Variants in VPS54 observed in about 807,000 individuals in gnomAD.
The protein encoded by VPS54 is VPS54 subunit of GARP complex.
A neutral mutation model predicts 121.5 loss-of-function variants in VPS54; 45 were observed. The ratio of observed to expected loss-of-function variants is 0.37; its 90% CI spans 0.29 to 0.47. The LOEUF (loss-of-function observed/expected upper bound fraction) is 0.47. Ranked by LOEUF, VPS54 falls within the 20% of genes least tolerant of loss-of-function variation. The pLI is 0.99. For synonymous variants in VPS54, 371 were observed against 385.8 expected, an observed-to-expected ratio of 0.96 and a Z score of 0.45; for missense variants, 1,090 against 1,131.4, an observed-to-expected ratio of 0.96 and a Z score of 0.52.
At chr2:63,938,157 G>A (rs1674553664) in intron 11 of VPS54, among the ~76,000 whole-genome samples, 1 of 151,246 alleles carries the variant, frequency 6.6e-6, no homozygotes, top group Non-Finnish European at 1.5e-5. Context: ...TGTGCAGACA[G>A]GATCTTCCTA....
intron 1 of VPS54, 148 bp downstream of exon 1, chr2:64,018,790 A>G (rs1222303914): frequency 6.7e-6 from 1 of 148,562 alleles, no homozygotes; most frequent in Non-Finnish European, 1.5e-5. Flanking sequence ...GGAGCATGGA[A>G]GCTTCAGTGC....
chr2:63,933,536 G>A (rs558619203), intron 12 of VPS54, 137 bp downstream of exon 12: 111 of 740,824 alleles, frequency 1.5e-4, no homozygotes, highest in Non-Finnish European at 2.0e-4. Flanking sequence ...ATAGAGATAC[G>A]TTTCATAAAA....
At chr2:63,999,062 T>G (rs1677746521) in intron 1 of VPS54, among the ~76,000 whole-genome samples, 1 of 152,176 alleles carries the variant, frequency 6.6e-6, no homozygotes, top group Non-Finnish European at 1.5e-5. Context: ...TTCTCCTGCC[T>G]CAGCCTCCTG....
chr2:64,018,553 G>A (rs1235610652), intron 1 of VPS54, among the ~76,000 whole-genome samples: 4 of 152,138 alleles, frequency 2.6e-5, no homozygotes, highest in African/African-American at 9.7e-5. Flanking sequence ...AACGATTCCA[G>A]TAGAATCCAA....
intron 20 of VPS54, among the ~76,000 whole-genome samples, chr2:63,911,977 A>T (rs981532034): frequency 6.6e-6 from 1 of 152,186 alleles, no homozygotes; most frequent in Non-Finnish European, 1.5e-5. Flanking sequence ...ACAAACAAGA[A>T]ATGAATGTTG....
intron 20 of VPS54, among the ~76,000 whole-genome samples, chr2:63,904,046 T>A (rs1360464583): frequency 6.6e-6 from 1 of 152,010 alleles, no homozygotes; most frequent in Non-Finnish European, 1.5e-5. Context: ...ACAAGGATAG[T>A]AAGAGAAACA....
chr2:63,962,576 A>C, intron 6 of VPS54, 133 bp from the exon 7 acceptor site: 1 of 1,156,442 alleles, frequency 8.6e-7, no homozygotes, highest in Non-Finnish European at 1.2e-6. Flanking sequence ...TGATTGTGAG[A>C]TCCTTGAAAT....
intron 3 of VPS54, 120 bp from the exon 4 acceptor site, chr2:63,972,364 A>G: frequency 1.6e-6 from 1 of 609,342 alleles, no homozygotes; most frequent in Non-Finnish European, 2.7e-6. Context: ...TTTAATATGA[A>G]ATCACTAGCC....
chr2:63,982,013 A>G, intron 2 of VPS54, 126 bp from the exon 3 acceptor site: 1 of 1,022,800 alleles, frequency 9.8e-7, no homozygotes, highest in Non-Finnish European at 1.3e-6. Context: ...TTCCACAGTA[A>G]ATGATTTAAT....
At position 63,897,483 on chromosome 2, in the gene VPS54, T is replaced by C. The variant is rs574358961; in HGVS notation, c.2828+13A>G. ...GATATGGGAGTATATGGTGAAAACG[T>C]TAAAAAACATACCCATTTTGAGGTC... On this transcript the variant is annotated intron_variant, in intron 22 of 22. Transcript: ENST00000272322. 9.7e-6 allele frequency: 15 copies of C among 1,546,520 alleles called. No individual in the cohort carries two copies. Among genetic ancestry groups the C allele is most frequent in the Non-Finnish European group, 1.1e-5 (13 of 1,133,136 alleles).
chr2:63,954,321 A>T (rs1008444979), intron 7 of VPS54, among the ~76,000 whole-genome samples: 5 of 152,168 alleles, frequency 3.3e-5, no homozygotes, highest in African/African-American at 1.2e-4. Context: ...GATAAAAATT[A>T]AAAAGAAAGA....
intron 12 of VPS54, among the ~76,000 whole-genome samples, chr2:63,924,868 T>A (rs1011837120): frequency 1.3e-5 from 2 of 152,112 alleles, no homozygotes; most frequent in Non-Finnish European, 2.9e-5. Flanking sequence ...CATATCCATA[T>A]GGGAAAAAAA....
At chr2:64,004,456 C>A (rs1019563866) in intron 1 of VPS54, among the ~76,000 whole-genome samples, 4 of 152,196 alleles carry the variant, frequency 2.6e-5, no homozygotes, top group Admixed American at 1.3e-4. Flanking sequence ...ACCTGGCTGT[C>A]ACCACCTTAC....
chr2:63,938,203 C>A (rs527989292), intron 11 of VPS54, among the ~76,000 whole-genome samples: 1 of 151,894 alleles, frequency 6.6e-6, no homozygotes, highest in Non-Finnish European at 1.5e-5. Context: ...TGGTCTCAAG[C>A]GATTCTCCTG....
intron 11 of VPS54, among the ~76,000 whole-genome samples, chr2:63,941,832 G>C (rs1159893675): frequency 1.3e-5 from 2 of 151,874 alleles, no homozygotes; most frequent in African/African-American, 4.8e-5. Flanking sequence ...TCAGGAGTTC[G>C]AGACCAGCCT....
intron 12 of VPS54, 36 bp from the exon 13 acceptor site, chr2:63,921,371 T>C (rs1285046092): frequency 1.2e-6 from 2 of 1,606,704 alleles, no homozygotes; most frequent in Admixed American, 1.7e-5. Flanking sequence ...TCAGGGAAAG[T>C]TGTAAACATA....
At chr2:64,015,490 C>T (rs547490056) in intron 1 of VPS54, among the ~76,000 whole-genome samples, 1 of 152,180 alleles carries the variant, frequency 6.6e-6, no homozygotes, top group East Asian at 1.9e-4. Flanking sequence ...AATCGTGCAG[C>T]CCCTAGGTTT....
rs1365665950 is a variant in VPS54 at position 63,897,496 on chromosome 2, C to G, written c.2828G>C (p.Gly943Ala). The G allele has an allele frequency of 1.8e-5, 29 of 1,578,140 alleles. No homozygotes were observed. Among genetic ancestry groups the G allele is most frequent in the Non-Finnish European group, 2.4e-5 (28 of 1,159,462 alleles). Reference sequence around the variant, plus strand: ...ATGGTGAAAACGTTAAAAAACATACCCATTTTGAGGTCCTCCATCATTTAT... The same window carrying G: ...ATGGTGAAAACGTTAAAAAACATACGCATTTTGAGGTCCTCCATCATTTAT... ...NVINDGGPQN[G>A]LVTADVAFYT... The change falls in exon 22 of 23, where the codon GGG (glycine) becomes GCG (alanine). Residue 943 changes from glycine to alanine, a missense_variant and splice_region_variant. Physicochemically the swap from Gly to Ala is moderately conservative, Grantham distance 60. This residue lies in a region of VPS54 where 289 missense variants were observed against 374.4 expected (regional missense o/e 0.77). Transcript: ENST00000272322.
intron 7 of VPS54, among the ~76,000 whole-genome samples, chr2:63,961,775 A>G (rs1675782356): frequency 1.3e-5 from 2 of 152,144 alleles, no homozygotes; most frequent in Non-Finnish European, 2.9e-5. Flanking sequence ...AGCTATTTCA[A>G]CACTTTCAAA....
Sources: allele counts gnomAD v4.1 joint callset (sites outside exome capture counted in the v4.1 genomes callset), GRCh38; gene constraint gnomAD v4.1.1; regional missense constraint gnomAD v4.1.1; transcripts MANE v1.5; gene names NCBI Gene and HGNC (gene_info 2026-07-23, HGNC 2026-07-21).